Variants in NOTCH2 observed in about 807,000 individuals in gnomAD.
NOTCH2 encodes the protein neurogenic locus notch homolog protein 2.
NOTCH2 carries 29 observed loss-of-function variants against 235.8 expected under a neutral mutation model. That is an observed-to-expected ratio of 0.12 (90% CI 0.09 to 0.17). The LOEUF (loss-of-function observed/expected upper bound fraction) is 0.17. Among genes scored for constraint, NOTCH2 ranks in the 10% least tolerant of loss-of-function variants. The probability of loss-of-function intolerance (pLI) is 1.00; values close to 1 mark genes in which losing one functional copy is unlikely to be tolerated. For synonymous variants in NOTCH2, 1,086 were observed against 1,141.5 expected (o/e 0.95, Z 0.98); for missense variants, 2,285 against 3,150.2 (o/e 0.73, Z 6.57).
chr1:119,950,852 A>C lies in NOTCH2; in HGVS notation c.2366-15T>G, dbSNP rs1553197721. 1 of 1,530,816 alleles carries C rather than the reference A, an allele frequency of 6.5e-7. No individual in the cohort carries two copies. The highest frequency in any genetic ancestry group is 1.7e-5 in the Admixed American group (1 of 59,910). The allele number at this position is 1,530,816 out of a possible 1,614,324, so 94.8% of individuals were successfully genotyped here. A position where few individuals can be genotyped will look rare whatever the true frequency, so the allele number is the denominator to read the frequency against. ...GCAGTTATAGCCTGTAGACAAAAGG[A>C]AAAAACCAAAAACAGTAAAACTTTC... On this transcript the variant is annotated splice_polypyrimidine_tract_variant and intron_variant, in intron 14 of 33. Transcript: ENST00000256646.
At chr1:119,998,732 C>A (rs1185899425) in intron 3 of NOTCH2, among the ~76,000 whole-genome samples, 11 of 150,906 alleles carry the variant, frequency 7.3e-5, no homozygotes, top group Admixed American at 7.3e-4. Context: ...GGTACACGTG[C>A]ACAACATGCA....
chr1:119,960,490 T>G (rs1650895019), intron 11 of NOTCH2, among the ~76,000 whole-genome samples: 3 of 150,692 alleles, frequency 2.0e-5, no homozygotes, highest in African/African-American at 7.3e-5. Flanking sequence ...CAAATATCTC[T>G]TTACAAATAA....
intron 1 of NOTCH2, among the ~76,000 whole-genome samples, chr1:120,040,972 C>CG (rs1654523321): frequency 7.8e-6 from 1 of 129,012 alleles, no homozygotes; most frequent in Non-Finnish European, 1.6e-5. Context: ...ACCCGGGAGG[C>CG]GGAGCTTGCA....
Position 119,916,192 on chromosome 1 carries a change from T to C in NOTCH2, c.6530A>G (p.Gln2177Arg), listed in dbSNP as rs749837833. ...SPMITSPGILQASPNPMLATA... is the reference protein window; with the variant it reads ...SPMITSPGILRASPNPMLATA... The stretch of plus-strand genomic sequence containing the variant: ...GGCCAACATAGGGTTGGGTGAGGCC[T>C]GTAAGATCCCAGGGGATGTAATCAT... The change falls in exon 34 of 34, where the codon CAG becomes CGG. Residue 2177 changes from glutamine to arginine, a missense_variant. Physicochemically the swap from Gln to Arg is conservative, Grantham distance 43 (BLOSUM62 1). This residue lies in a region of NOTCH2 where 504 missense variants were observed against 538.0 expected (regional missense o/e 0.94). Transcript: ENST00000256646. 6.2e-7 allele frequency: 1 copy of C among 1,614,076 alleles called. No homozygotes were observed.
chr1:120,069,009 G>C, intron 1 of NOTCH2: 4 of 1,308,264 alleles, frequency 3.1e-6, no homozygotes, highest in Non-Finnish European at 4.1e-6. Flanking sequence ...GGAACCTGAA[G>C]GGCAAAACTG....
At chr1:119,958,328 C>G (rs17186372) in intron 12 of NOTCH2, among the ~76,000 whole-genome samples, 8,406 of 152,246 alleles carry the variant, frequency 0.055, 302 homozygotes, top group South Asian at 0.17. Flanking sequence ...GCAAACTTTC[C>G]TTTCTAATGT....
intron 5 of NOTCH2, among the ~76,000 whole-genome samples, chr1:119,974,765 C>A (rs1045027645): frequency 1.3e-5 from 2 of 152,168 alleles, no homozygotes; most frequent in African/African-American, 2.4e-5. Flanking sequence ...ATGCACATCT[C>A]CTCATGATTC....
chr1:119,921,660 G>A, intron 29 of NOTCH2, 53 bp downstream of exon 29: 2 of 1,478,738 alleles, frequency 1.4e-6, no homozygotes, highest in Non-Finnish European at 1.9e-6. Context: ...ACAGAAATTT[G>A]AAATGTAACC....
chr1:119,932,350 G>A (rs1353315109), intron 22 of NOTCH2, among the ~76,000 whole-genome samples: 1 of 152,182 alleles, frequency 6.6e-6, no homozygotes, highest in African/African-American at 2.4e-5. Context: ...CACTTTGGGA[G>A]GCTGAGGCGG....
rs587671054 is a variant in NOTCH2, at chr1:119,952,900, T to G, written c.2365+643A>C. 8.6e-4 allele frequency among the ~76,000 whole-genome samples: 131 copies of G among 152,378 alleles called. 1 individual carries two copies. The highest frequency in any genetic ancestry group is 3.0e-3 in the African/African-American group (126 of 41,592). On this transcript the variant is annotated intron_variant, in intron 14 of 33. Coordinates refer to ENST00000256646, the MANE Select transcript of NOTCH2 (RefSeq NM_024408.4). ...CTTAATTATAGTAAGCATAATATTT[T>G]CATTCTACTTCCATATATCTATTTG...
At position 120,069,583 on chromosome 1, in the gene NOTCH2, G is replaced by A. The variant is rs1655689081; in HGVS notation, c.-177C>T. 3 of 1,409,992 alleles carry A rather than the reference G, an allele frequency of 2.1e-6. No homozygotes were observed. The highest frequency in any genetic ancestry group is 3.2e-5 in the Admixed American group (1 of 31,076). The allele number at this position is 1,409,992 out of a possible 1,614,324, so 87.3% of individuals were successfully genotyped here. On this transcript the variant is annotated 5_prime_UTR_variant, in exon 1 of 34. Transcript: ENST00000256646. ...AATGCCTCGACTCCCCGCGCCCCGA[G>A]TCCGCCGCTCCTCGGCCGCCGCCTC... is the stretch of plus-strand genomic sequence containing the variant.
At chr1:119,962,272 A>G (rs184869373) in intron 11 of NOTCH2, among the ~76,000 whole-genome samples, 190 of 152,314 alleles carry the variant, frequency 1.2e-3, no homozygotes, top group Admixed American at 4.8e-3. Context: ...TATGTTTATT[A>G]TGATGGGAAT....
rs80218126 is a variant in NOTCH2 at position 119,943,239 on chromosome 1, C to T, written c.2753-1485G>A. Among the ~76,000 whole-genome samples the T allele has an allele frequency of 5.6e-3, 847 of 152,208 alleles. 8 individuals carry two copies. The highest frequency in any genetic ancestry group is 0.02 in the Middle Eastern group (6 of 294). Reference sequence around the variant, plus strand: ...GTTATATATCCTGTAAATTAAGGTGCCATTATTAATGCATTGTGATAATCT... The same window carrying T: ...GTTATATATCCTGTAAATTAAGGTGTCATTATTAATGCATTGTGATAATCT... On this transcript the variant is annotated intron_variant, in intron 17 of 33. Coordinates refer to ENST00000256646, the MANE Select transcript of NOTCH2 (RefSeq NM_024408.4).
intron 5 of NOTCH2, among the ~76,000 whole-genome samples, chr1:119,979,950 T>C (rs587596095): frequency 7.2e-5 from 11 of 152,236 alleles, no homozygotes; most frequent in Admixed American, 5.2e-4. Context: ...AAAAAAGACA[T>C]AGTATAATAT....
rs141051853 is a variant in NOTCH2, at chr1:119,955,132, G to A, written c.2127C>T (p.Pro709=). The stretch of plus-strand genomic sequence containing the variant: ...AGCAGCTGGGGTGATGGGGTCCCTC[G>A]GGGCATATACAGCGGAAACCATTCA... ...NGVNGFRCIC[P]EGPHHPSCYS... is the part of the protein sequence containing the mutation. The change falls in exon 13 of 34, where the codon CCC becomes CCT. Residue 709 remains proline, a synonymous_variant. Coordinates refer to ENST00000256646, the MANE Select transcript of NOTCH2 (RefSeq NM_024408.4). The A allele has an allele frequency of 7.9e-5, 128 of 1,613,954 alleles. No individual in the cohort carries two copies. The highest frequency in any genetic ancestry group is 6.7e-4 in the East Asian group (30 of 44,886).
intron 4 of NOTCH2, chr1:119,996,218 C>A: frequency 5.9e-6 from 1 of 170,414 alleles, no homozygotes; most frequent in Admixed American, 5.5e-5. Context: ...TTCCTTTCTC[C>A]CTCTCCATGG....
At chr1:119,967,986 A>C (rs1570700554) in intron 7 of NOTCH2, 91 bp downstream of exon 7, 1 of 1,434,640 alleles carries the variant, frequency 7.0e-7, no homozygotes, top group East Asian at 2.3e-5. Flanking sequence ...GGGTGTATGT[A>C]ATTTGCTTCT....
In NOTCH2 at chr1:119,935,216, T is replaced by G; in HGVS notation, c.3655+256A>C. On this transcript the variant is annotated intron_variant, in intron 22 of 33. Coordinates refer to ENST00000256646, the MANE Select transcript of NOTCH2 (RefSeq NM_024408.4). ...TTTTTAATGTTATGCTAATGTTGTA[T>G]CCCTTCCATATTCTGTGTTTCATGG... 2.2e-6 allele frequency: 3 copies of G among 1,370,460 alleles called. No homozygotes were observed. In the South Asian group the frequency reaches 4.6e-5, roughly 21 times the overall value. The allele number at this position is 1,370,460 out of a possible 1,614,324, so 84.9% of individuals were successfully genotyped here. A position where few individuals can be genotyped will look rare whatever the true frequency, so the allele number is the denominator to read the frequency against.
chr1:119,973,709 A>C (rs1651457886), intron 5 of NOTCH2, among the ~76,000 whole-genome samples: 1 of 152,088 alleles, frequency 6.6e-6, no homozygotes, highest in South Asian at 2.1e-4. Context: ...AGGTCACTAG[A>C]TATTTGAGTG....
Sources: gnomAD v4.1 joint callset for allele counts (sites outside exome capture counted in the v4.1 genomes callset) on GRCh38, gnomAD v4.1.1 for gene constraint, gnomAD v4.1.1 regional missense constraint, MANE v1.5 for transcripts, NCBI Gene and HGNC (gene_info 2026-07-23, HGNC 2026-07-21) for gene names.